ZCCHC4: variants seen among roughly 807,000 people sequenced by gnomAD.
The protein encoded by ZCCHC4 is zinc finger CCHC-type containing 4.
Under a neutral mutation model 67.7 loss-of-function variants are expected in ZCCHC4, and 54 were observed. The observed-to-expected ratio is 0.80, with a 90% CI of 0.64 to 1.00. The LOEUF is 1.00. Among genes scored for constraint, ZCCHC4 ranks in the 50% least tolerant of loss-of-function variants. The pLI is 0.00. For synonymous variants in ZCCHC4, 198 were observed against 213.5 expected, an observed-to-expected ratio of 0.93 and a Z score of 0.63; for missense variants, 609 against 617.0, an observed-to-expected ratio of 0.99 and a Z score of 0.14.
rs749168987 is a variant in ZCCHC4 at position 25,365,074 on chromosome 4, T to C, written c.1314T>C (p.Cys438=). The C allele has an allele frequency of 1.2e-6, 2 of 1,614,234 alleles. No homozygotes were observed. ...CNHCAVPDHS[C]EGPKHGCFIC... ...ACTGTGCTGTTCCAGATCATTCTTG[T>C]GAGGGCCCCAAACATGGCTGCTTTA... The change falls in exon 12 of 13, where the codon TGT becomes TGC. Residue 438 remains cysteine (C), a synonymous_variant. Coordinates refer to ENST00000302874, the MANE Select transcript of ZCCHC4 (RefSeq NM_024936.3).
In ZCCHC4 at chr4:25,345,099, G is replaced by A. The variant is rs1269318076; in HGVS notation, c.687-449G>A. Among the ~76,000 whole-genome samples the A allele has an allele frequency of 5.3e-5, 8 of 151,960 alleles. No individual in the cohort carries two copies. In the East Asian group the frequency reaches 9.7e-4, roughly 18 times the overall value. Reference sequence around the variant, plus strand: ...ATTACAGGTGTGAGCCACTGTGCCCGGCCTGTATTAAATACTTAAAAAAAA... The same window carrying A: ...ATTACAGGTGTGAGCCACTGTGCCCAGCCTGTATTAAATACTTAAAAAAAA... On this transcript the variant is annotated intron_variant, in intron 5 of 12. Transcript: ENST00000302874.
chr4:25,351,810 C>A, intron 8 of ZCCHC4, 121 bp downstream of exon 8: 1 of 1,007,746 alleles, frequency 9.9e-7, no homozygotes, highest in Non-Finnish European at 1.4e-6. Context: ...TAATATTATA[C>A]CATATATAGC....
intron 8 of ZCCHC4, among the ~76,000 whole-genome samples, chr4:25,353,331 T>G (rs1720387967): frequency 6.6e-6 from 1 of 152,242 alleles, no homozygotes; most frequent in Admixed American, 6.5e-5. Context: ...GGTTTTGTTC[T>G]AAAAGTGTGT....
chr4:25,361,143 A>G (rs1720718903), intron 8 of ZCCHC4, among the ~76,000 whole-genome samples: 2 of 152,248 alleles, frequency 1.3e-5, no homozygotes, highest in Admixed American at 6.5e-5. Context: ...ACAAAAGGTA[A>G]TCTGTTGTTG....
At chr4:25,344,355 C>T (rs914971951) in intron 5 of ZCCHC4, among the ~76,000 whole-genome samples, 13 of 150,698 alleles carry the variant, frequency 8.6e-5, no homozygotes, top group East Asian at 5.9e-4. Context: ...AGTAAACTAT[C>T]GCAAGGACAA....
chr4:25,360,240 C>G (rs1430672711), intron 8 of ZCCHC4, among the ~76,000 whole-genome samples: 1 of 152,234 alleles, frequency 6.6e-6, no homozygotes, highest in Non-Finnish European at 1.5e-5. Context: ...GGCAACACTC[C>G]CCTTGCCTAG....
chr4:25,315,015 A>C (rs915314685), intron 2 of ZCCHC4, among the ~76,000 whole-genome samples: 1 of 152,148 alleles, frequency 6.6e-6, no homozygotes, highest in Non-Finnish European at 1.5e-5. Flanking sequence ...TTATGGTAAA[A>C]CAGTATTATA....
At chr4:25,322,116 T>TA (rs1404600931) in intron 3 of ZCCHC4, among the ~76,000 whole-genome samples, 1 of 152,106 alleles carries the variant, frequency 6.6e-6, no homozygotes, top group Non-Finnish European at 1.5e-5. Flanking sequence ...AATGATGAAA[T>TA]AGAGTGGTTG....
intron 5 of ZCCHC4, among the ~76,000 whole-genome samples, chr4:25,334,650 T>C (rs983840700): frequency 1.3e-5 from 2 of 152,224 alleles, no homozygotes; most frequent in African/African-American, 4.8e-5. Context: ...CATTGTCCAC[T>C]GTGTCTATAA....
intron 8 of ZCCHC4, chr4:25,352,217 T>C: frequency 3.0e-6 from 3 of 985,246 alleles, no homozygotes; most frequent in Non-Finnish European, 3.6e-6. Flanking sequence ...GTTACTGGAG[T>C]GAGTAACTTC....
chr4:25,334,509 G>T (rs1041294085), intron 5 of ZCCHC4, among the ~76,000 whole-genome samples: 1 of 152,210 alleles, frequency 6.6e-6, no homozygotes, highest in African/African-American at 2.4e-5. Context: ...GATAGACTTT[G>T]TGAGAGGGTC....
At chr4:25,327,741 T>C (rs889228478) in intron 3 of ZCCHC4, among the ~76,000 whole-genome samples, 3 of 152,102 alleles carry the variant, frequency 2.0e-5, no homozygotes, top group African/African-American at 7.2e-5. Flanking sequence ...TCAGGCTTCC[T>C]AGAGTGCTGG....
At chr4:25,341,544 A>G (rs1375108969) in intron 5 of ZCCHC4, among the ~76,000 whole-genome samples, 1 of 152,218 alleles carries the variant, frequency 6.6e-6, no homozygotes, top group African/African-American at 2.4e-5. Flanking sequence ...GCCTCACCAG[A>G]AGCCCAGCAG....
chr4:25,320,339 T>G (rs1225537630), intron 3 of ZCCHC4, among the ~76,000 whole-genome samples: 1 of 152,248 alleles, frequency 6.6e-6, no homozygotes, highest in Non-Finnish European at 1.5e-5. Context: ...CAAATAGTTT[T>G]GTTTCGTTGA....
intron 6 of ZCCHC4, 87 bp from the exon 7 acceptor site, chr4:25,349,405 G>A (rs1272867302): frequency 5.3e-5 from 70 of 1,319,040 alleles, no homozygotes; most frequent in East Asian, 7.0e-5. Flanking sequence ...TATTAAGAGA[G>A]AGACTGAGTC....
intron 12 of ZCCHC4, chr4:25,366,287 C>CTT (rs1273040361): frequency 8.1e-6 from 4 of 492,120 alleles, no homozygotes; most frequent in Non-Finnish European, 1.0e-5. Flanking sequence ...GTTTTAAAAA[C>CTT]TTAAAGAAGC....
intron 8 of ZCCHC4, chr4:25,352,038 G>C (rs1210755833): frequency 1.0e-6 from 1 of 1,004,934 alleles, no homozygotes; most frequent in Non-Finnish European, 1.2e-6. Context: ...CCCCACCCCT[G>C]GTTCATCATT....
At position 25,369,117 on chromosome 4, in the gene ZCCHC4, A is replaced by G. The variant is rs190614833; in HGVS notation, c.1495A>G (p.Arg499Gly). 1.2e-6 allele frequency: 2 copies of G among 1,614,056 alleles called. No individual in the cohort carries two copies. Among genetic ancestry groups the G allele is most frequent in the East Asian group, 4.5e-5 (2 of 44,872 alleles). ...ATCCATGAATCATACATCTGCTACA[A>G]GGAGAAAGAAAAGGAGGGAAAGAGC... ...GQSMNHTSAT[R>G]RKKRRERAHQ... Residue 499 changes from arginine (R) to glycine (G), a missense_variant, in exon 13 of 13, where the codon AGG becomes GGG. Arg to Gly is a moderately radical substitution (Grantham distance 125). Transcript: ENST00000302874.
At chr4:25,350,046 G>T (rs1173802017) in intron 7 of ZCCHC4, among the ~76,000 whole-genome samples, 1 of 152,042 alleles carries the variant, frequency 6.6e-6, no homozygotes, top group Non-Finnish European at 1.5e-5. Flanking sequence ...TGTTCCTAAA[G>T]CCTGGCCCAG....
Sources: gnomAD v4.1 joint callset for allele counts (sites outside exome capture counted in the v4.1 genomes callset) on GRCh38, gnomAD v4.1.1 for gene constraint, MANE v1.5 for transcripts, NCBI Gene and HGNC (gene_info 2026-07-23, HGNC 2026-07-21) for gene names.